ALK: variants seen among roughly 807,000 people sequenced by gnomAD.
ALK encodes the protein ALK tyrosine kinase receptor.
Under a neutral mutation model 163.1 loss-of-function variants are expected in ALK, and 74 were observed. The observed-to-expected ratio is 0.45, with a 90% CI of 0.38 to 0.55. The LOEUF is 0.55. Among genes scored for constraint, ALK ranks in the 20% least tolerant of loss-of-function variants. The pLI, the probability that ALK is intolerant of heterozygous loss-of-function variation, is 0.00. For missense variants in ALK, 2,063 were observed against 2,105.3 expected, an observed-to-expected ratio of 0.98 and a Z score of 0.39; for synonymous variants, 960 against 843.2, an observed-to-expected ratio of 1.14 and a Z score of -2.40.
intron 3 of ALK, among the ~76,000 whole-genome samples, chr2:29,560,516 C>T (rs1673990822): frequency 6.6e-6 from 1 of 152,100 alleles, no homozygotes; most frequent in Non-Finnish European, 1.5e-5. Flanking sequence ...GACAGTTGCA[C>T]AACTCTGTAA....
Position 29,227,723 on chromosome 2 carries a change from C to G in ALK, c.2816-51G>C. 7.1e-7 allele frequency: 1 copy of G among 1,414,134 alleles called. No homozygotes were observed. The allele number at this position is 1,414,134 out of a possible 1,614,324, so 87.6% of individuals were successfully genotyped here. A position where few individuals can be genotyped will look rare whatever the true frequency, so the allele number is the denominator to read the frequency against. On this transcript the variant is annotated intron_variant, in intron 16 of 28. Transcript: ENST00000389048. The surrounding 1 kb of genome is among the most constrained non-coding windows in gnomAD (Gnocchi z 4.4). ...TAACATGGGGGGTGGGTGCCAAAAT[C>G]TTAACACACACACACGTCAGTGGGG...
intron 4 of ALK, among the ~76,000 whole-genome samples, chr2:29,455,065 C>T (rs11680717): frequency 0.046 from 6,934 of 152,200 alleles, 220 homozygotes; most frequent in Non-Finnish European, 0.07. Flanking sequence ...GGGTCCTAGA[C>T]GTCATCTAAT....
intron 1 of ALK, among the ~76,000 whole-genome samples, chr2:29,754,993 C>T (rs1037762326): frequency 6.6e-6 from 1 of 152,128 alleles, no homozygotes; most frequent in African/African-American, 2.4e-5. Flanking sequence ...AGACCCCCAC[C>T]CCAGAGCCGG....
At chr2:29,581,164 C>A (rs1573473416) in intron 3 of ALK, among the ~76,000 whole-genome samples, 1 of 152,088 alleles carries the variant, frequency 6.6e-6, no homozygotes, top group African/African-American at 2.4e-5. Flanking sequence ...CCAAGGTGGG[C>A]GGATCACGAG....
intron 3 of ALK, among the ~76,000 whole-genome samples, chr2:29,620,361 T>C (rs1000247147): frequency 2.6e-5 from 4 of 152,166 alleles, no homozygotes; most frequent in African/African-American, 9.7e-5. Context: ...TTTCCACCTC[T>C]TATAAGGATC....
chr2:29,815,059 T>C (rs1479454419), intron 1 of ALK, among the ~76,000 whole-genome samples: 1 of 148,178 alleles, frequency 6.7e-6, no homozygotes, highest in Middle Eastern at 3.2e-3. Flanking sequence ...GTGCGGGCCA[T>C]TAGTGGAAAA....
chr2:29,214,155 C>G (rs2148159792), intron 23 of ALK, 74 bp from the exon 24 acceptor site: 1 of 1,306,200 alleles, frequency 7.7e-7, no homozygotes, highest in Non-Finnish European at 1.1e-6. Context: ...ATGCTGGCTT[C>G]CAGTGCTCAC....
Position 29,196,877 on chromosome 2 carries a change from AT to A in ALK, c.4074-18del. The A allele has an allele frequency of 1.3e-6, 2 of 1,574,412 alleles. No homozygotes were observed. Among genetic ancestry groups the A allele is most frequent in the Non-Finnish European group, 1.7e-6 (2 of 1,143,842 alleles). On this transcript the variant is annotated intron_variant, in intron 27 of 28. Coordinates refer to ENST00000389048, the MANE Select transcript of ALK (RefSeq NM_004304.5). ...ATCCGGTATCTAAAAGAAGAAGCACATTAATTAAAATAAGGAGAAGCACAAT... is the reference window on the plus strand; with the variant it reads ...ATCCGGTATCTAAAAGAAGAAGCACATAATTAAAATAAGGAGAAGCACAAT...
At chr2:29,598,323 G>A (rs1675272804) in intron 3 of ALK, among the ~76,000 whole-genome samples, 1 of 152,304 alleles carries the variant, frequency 6.6e-6, no homozygotes, top group Non-Finnish European at 1.5e-5. Flanking sequence ...ACCATGCCCG[G>A]TACAGAGAGT....
At chr2:29,244,777 C>A (rs540362367) in intron 12 of ALK, among the ~76,000 whole-genome samples, 1 of 152,244 alleles carries the variant, frequency 6.6e-6, no homozygotes, top group Non-Finnish European at 1.5e-5. Flanking sequence ...CCCTTTATAG[C>A]GATGGCTATC....
At chr2:29,726,465 C>A (rs961492741) in intron 1 of ALK, among the ~76,000 whole-genome samples, 2 of 152,160 alleles carry the variant, frequency 1.3e-5, no homozygotes, top group African/African-American at 4.8e-5. Context: ...AAAACCAAGT[C>A]CATCAACAAA....
chr2:29,223,792 G>C (rs912856699), intron 19 of ALK: 1 of 525,964 alleles, frequency 1.9e-6, no homozygotes, highest in Non-Finnish European at 3.4e-6. Context: ...ATGTTAGTCT[G>C]GTTCCTCCAA....
intron 2 of ALK, among the ~76,000 whole-genome samples, chr2:29,708,066 G>A (rs754584683): frequency 3.9e-5 from 6 of 152,132 alleles, no homozygotes; most frequent in Non-Finnish European, 7.4e-5. Flanking sequence ...GAGATTGACT[G>A]ACTGATTGAT....
chr2:29,385,581 G>A (rs1201950310), intron 4 of ALK, among the ~76,000 whole-genome samples: 1 of 152,144 alleles, frequency 6.6e-6, no homozygotes, highest in Non-Finnish European at 1.5e-5. Context: ...TGCAGAGACA[G>A]GGTCTCACTG....
chr2:29,221,104 G>GGAA, intron 22 of ALK: 1 of 602,670 alleles, frequency 1.7e-6, no homozygotes, highest in South Asian at 1.5e-5. Flanking sequence ...ACTTGGGTGA[G>GGAA]GAAGTGTCTC....
Position 29,408,081 on chromosome 2 carries a change from CTTTTTCTTT to C in ALK, c.1155-24231_1155-24223del, listed in dbSNP as rs1404370611. Among the ~76,000 whole-genome samples, 4 of 140,850 alleles carry C rather than the reference CTTTTTCTTT, an allele frequency of 2.8e-5. No individual in the cohort carries two copies. The East Asian group carries it at 8.2e-4, about 29-fold the overall frequency. The allele number at this position is 140,850 out of a possible 152,430, so 92.4% of individuals were successfully genotyped here. On this transcript the variant is annotated intron_variant, in intron 4 of 28. Coordinates refer to ENST00000389048, the MANE Select transcript of ALK (RefSeq NM_004304.5). ...TAGGCAAAGGTACTCAGGGAAAGTT[CTTTTTCTTT>C]TTTTTTTTTTGAGATGGAGTCTCGC...
Position 29,318,369 on chromosome 2 carries a change from C to T in ALK, c.1582G>A (p.Ala528Thr), listed in dbSNP as rs758494304. 5.3e-5 allele frequency: 86 copies of T among 1,613,760 alleles called. No individual in the cohort carries two copies. The highest frequency in any genetic ancestry group is 1.6e-4 in the Middle Eastern group (1 of 6,080). ...ALLLSTTDVP[A>T]SESATVTSAT... The stretch of plus-strand genomic sequence containing the variant: ...CTGGTCACTGTAGCACTTTCAGAAG[C>T]GGGGACATCAGTGGTACTGAGCAAT... Residue 528 changes from alanine (A) to threonine (T), a missense_variant, in exon 8 of 29, where the codon GCT becomes ACT. Physicochemically the swap from Ala to Thr is moderately conservative, Grantham distance 58. Transcript: ENST00000389048.
In ALK at chr2:29,471,425, A is replaced by C. The variant is rs141834830; in HGVS notation, c.1154+60490T>G. ...CAGATCGGTATGAATTATATATCAA[A>C]TAGGTAATACATCACAAAAAGTTGA... is the stretch of plus-strand genomic sequence containing the variant. On this transcript the variant is annotated intron_variant, in intron 4 of 28. Transcript: ENST00000389048. Among the ~76,000 whole-genome samples, 377 of 152,364 alleles carry C rather than the reference A, an allele frequency of 2.5e-3. 3 individuals carry two copies. The highest frequency in any genetic ancestry group is 8.6e-3 in the African/African-American group (359 of 41,598).
intron 3 of ALK, among the ~76,000 whole-genome samples, chr2:29,576,115 G>A (rs1386149003): frequency 6.6e-6 from 1 of 152,208 alleles, no homozygotes; most frequent in Admixed American, 6.5e-5. Context: ...GGGGCTGACT[G>A]ATTGGCTGCT....
Sources: gnomAD v4.1 joint callset for allele counts (sites outside exome capture counted in the v4.1 genomes callset) on GRCh38, gnomAD v4.1.1 for gene constraint, Gnocchi (gnomAD v3.1) non-coding constraint, MANE v1.5 for transcripts, NCBI Gene and HGNC (gene_info 2026-07-23, HGNC 2026-07-21) for gene names.